CDKL4: variants seen among roughly 807,000 people sequenced by gnomAD.
CDKL4 encodes cyclin dependent kinase like 4.
A neutral mutation model predicts 42.0 loss-of-function variants in CDKL4; 44 were observed. The observed-to-expected ratio is 1.05, with a 90% CI of 0.82 to 1.35. The LOEUF (loss-of-function observed/expected upper bound fraction) is 1.35, where lower values mean the gene tolerates loss of function less well. Among genes scored for constraint, CDKL4 ranks in the 40% most tolerant of loss-of-function variants. The pLI is 0.00. For synonymous variants in CDKL4, 120 were observed against 121.6 expected (o/e 0.99, Z 0.09); for missense variants, 393 against 369.9 (o/e 1.06, Z -0.51).
chr2:39,178,198 A>C (rs989558076), intron 9 of CDKL4, among the ~76,000 whole-genome samples: 1 of 152,224 alleles, frequency 6.6e-6, no homozygotes, highest in Non-Finnish European at 1.5e-5. Context: ...ATGATTTAAC[A>C]TTTCATCTTC....
At chr2:39,179,741 G>A (rs562121438) in intron 8 of CDKL4, among the ~76,000 whole-genome samples, 5 of 152,288 alleles carry the variant, frequency 3.3e-5, no homozygotes, top group East Asian at 1.9e-4. Context: ...GGTGGGGCCC[G>A]GCAGTTTGTG....
At chr2:39,216,110 G>A (rs1186832303) in intron 3 of CDKL4, among the ~76,000 whole-genome samples, 3 of 152,234 alleles carry the variant, frequency 2.0e-5, no homozygotes, top group Admixed American at 6.5e-5. Flanking sequence ...TCTTGAACAC[G>A]TTATTTAAGC....
upstream of CDKL4, among the ~76,000 whole-genome samples, chr2:39,246,640 G>A (rs553498403): frequency 1.1e-4 from 16 of 152,172 alleles, no homozygotes; most frequent in Non-Finnish European, 2.2e-4. Flanking sequence ...CTAGGCTACA[G>A]GTTCCTACCT....
At chr2:39,217,245 C>G (rs1033643778) in intron 3 of CDKL4, among the ~76,000 whole-genome samples, 4 of 152,094 alleles carry the variant, frequency 2.6e-5, no homozygotes, top group African/African-American at 7.2e-5. Context: ...TCGGTTGGTA[C>G]AAAAGTAACC....
At chr2:39,188,015 C>G (rs1050461139) in intron 6 of CDKL4, among the ~76,000 whole-genome samples, 11 of 151,832 alleles carry the variant, frequency 7.2e-5, no homozygotes, top group African/African-American at 2.7e-4. Flanking sequence ...TTGCAGTGAG[C>G]TGAGATCATG....
At chr2:39,187,030 T>G (rs1398610828) in intron 7 of CDKL4, among the ~76,000 whole-genome samples, 2 of 152,194 alleles carry the variant, frequency 1.3e-5, no homozygotes, top group African/African-American at 4.8e-5. Context: ...TCATCTCAAA[T>G]TATAACCCCA....
intron 9 of CDKL4, 121 bp downstream of exon 9, chr2:39,179,066 T>C: frequency 6.6e-7 from 1 of 1,507,502 alleles, no homozygotes; most frequent in Non-Finnish European, 8.8e-7. Flanking sequence ...GCTAGACAAA[T>C]ACAACTACAC....
intron 1 of CDKL4, among the ~76,000 whole-genome samples, chr2:39,241,270 A>G (rs1679646830): frequency 6.6e-6 from 1 of 152,256 alleles, no homozygotes; most frequent in African/African-American, 2.4e-5. Context: ...TGTGTTATAT[A>G]CACACTAAAA....
At position 39,191,244 on chromosome 2, in the gene CDKL4, C is replaced by T. The variant is rs376553416; in HGVS notation, c.455-742G>A. 4.6e-5 allele frequency among the ~76,000 whole-genome samples: 7 copies of T among 152,076 alleles called. No individual in the cohort carries two copies. The East Asian group carries it at 5.8e-4, about 13-fold the overall frequency. Reference sequence around the variant, plus strand: ...CAAAACCCTGTCTCTACTAAAAATACGAAAATTAGCCAGGCATGGTGGCAC... The same window carrying T: ...CAAAACCCTGTCTCTACTAAAAATATGAAAATTAGCCAGGCATGGTGGCAC... On this transcript the variant is annotated intron_variant, in intron 5 of 9. Coordinates refer to ENST00000451199, the Ensembl canonical transcript of CDKL4.
At chr2:39,203,342 T>C (rs1676969290) in intron 5 of CDKL4, among the ~76,000 whole-genome samples, 1 of 152,230 alleles carries the variant, frequency 6.6e-6, no homozygotes, top group Admixed American at 6.5e-5. Flanking sequence ...GTAACTTTTA[T>C]ATGAAATGCT....
chr2:39,168,405 A>G, the CDKL4 span, among the ~76,000 whole-genome samples: 1 of 152,208 alleles, frequency 6.6e-6, no homozygotes, highest in African/African-American at 2.4e-5. Context: ...AGGATTACCA[A>G]TTCTCAGCTT....
chr2:39,205,868 C>T (rs910015918), intron 4 of CDKL4, among the ~76,000 whole-genome samples: 1 of 151,942 alleles, frequency 6.6e-6, no homozygotes, highest in African/African-American at 2.4e-5. Context: ...CTGGGGCGCA[C>T]AGTCCCCTGC....
At chr2:39,201,746 A>G (rs1676864574) in intron 5 of CDKL4, among the ~76,000 whole-genome samples, 1 of 152,186 alleles carries the variant, frequency 6.6e-6, no homozygotes, top group Non-Finnish European at 1.5e-5. Context: ...GGAATAGAAA[A>G]CCAAACATCT....
At chr2:39,232,842 G>A (rs915931952) in intron 1 of CDKL4, among the ~76,000 whole-genome samples, 10 of 151,710 alleles carry the variant, frequency 6.6e-5, no homozygotes, top group Non-Finnish European at 1.3e-4. Flanking sequence ...TCAGGGGATC[G>A]AGACCATCCT....
chr2:39,227,224 T>G (rs72921039), intron 2 of CDKL4, among the ~76,000 whole-genome samples: 3 of 152,194 alleles, frequency 2.0e-5, no homozygotes, highest in South Asian at 4.1e-4. Flanking sequence ...TTTCCCAGTA[T>G]AGTAGACAAA....
Position 39,178,629 on chromosome 2 carries a change from G to C in CDKL4, c.927+558C>G, listed in dbSNP as rs749861677. 18 of 1,576,840 alleles carry C rather than the reference G, an allele frequency of 1.1e-5. No homozygotes were observed. In the South Asian group the frequency reaches 2.1e-4, roughly 18 times the overall value. On this transcript the variant is annotated intron_variant, in intron 9 of 9. Transcript: ENST00000451199. ...TGCAGAATTAATGTTTGTCATAACA[G>C]TCACCATACTGTTCTGCAATATTGG...
chr2:39,169,952 C>T, the CDKL4 span, among the ~76,000 whole-genome samples: 1 of 152,152 alleles, frequency 6.6e-6, no homozygotes, highest in Non-Finnish European at 1.5e-5. Context: ...CTCACTTCAG[C>T]CTTGACCTCC....
chr2:39,245,585 T>C (rs1679880314), upstream of CDKL4, among the ~76,000 whole-genome samples: 1 of 152,160 alleles, frequency 6.6e-6, no homozygotes, highest in Non-Finnish European at 1.5e-5. Flanking sequence ...GGAGCAAAAG[T>C]TGAATGAGAG....
intron 3 of CDKL4, among the ~76,000 whole-genome samples, chr2:39,222,717 A>G (rs1455187188): frequency 6.6e-6 from 1 of 152,200 alleles, no homozygotes; most frequent in African/African-American, 2.4e-5. Context: ...GGATACAAGT[A>G]GGGAAGAGAA....
Sources: allele counts gnomAD v4.1 joint callset (sites outside exome capture counted in the v4.1 genomes callset), GRCh38; gene constraint gnomAD v4.1.1; transcripts MANE v1.5; gene names NCBI Gene and HGNC (gene_info 2026-07-23, HGNC 2026-07-21).